Variants in SPATA13 observed in about 807,000 individuals in gnomAD.
SPATA13 encodes the protein spermatogenesis associated 13.
SPATA13 carries 50 observed loss-of-function variants against 104.0 expected under a neutral mutation model. The ratio of observed to expected loss-of-function variants is 0.48; its 90% CI spans 0.38 to 0.61. SPATA13 has a LOEUF of 0.61. Among genes scored for constraint, SPATA13 ranks in the 20% least tolerant of loss-of-function variants. The pLI, the probability that SPATA13 is intolerant of heterozygous loss-of-function variation, is 0.00. For missense variants in SPATA13, 1,524 were observed against 1,690.6 expected (o/e 0.90, Z 1.73); for synonymous variants, 606 against 667.5 (o/e 0.91, Z 1.42).
At chr13:24,191,512 T>C (rs1407182659) in intron 1 of SPATA13, among the ~76,000 whole-genome samples, 3 of 125,950 alleles carry the variant, frequency 2.4e-5, no homozygotes, top group African/African-American at 3.4e-5. Context: ...TTTTTTTTTT[T>C]TTTTTTTTTT....
chr13:23,989,134 AT>A (rs1427930270), intron 2 of SPATA13, among the ~76,000 whole-genome samples: 1 of 152,062 alleles, frequency 6.6e-6, no homozygotes, highest in Admixed American at 6.6e-5. Flanking sequence ...TAATGTTAAG[AT>A]TTACTTGGCT....
chr13:24,193,072 C>T (rs1016226896), intron 1 of SPATA13, among the ~76,000 whole-genome samples: 2 of 152,134 alleles, frequency 1.3e-5, no homozygotes, highest in Admixed American at 6.5e-5. Flanking sequence ...GAGCTTGACA[C>T]ATAATCCAGG....
At chr13:24,041,324 G>A (rs1380588680) in intron 3 of SPATA13, among the ~76,000 whole-genome samples, 1 of 152,192 alleles carries the variant, frequency 6.6e-6, no homozygotes, top group Non-Finnish European at 1.5e-5. Flanking sequence ...CAGATAAAGG[G>A]TTTTTGTTTC....
At chr13:24,211,306 G>A (rs948765623) in intron 1 of SPATA13, among the ~76,000 whole-genome samples, 18 of 152,220 alleles carry the variant, frequency 1.2e-4, no homozygotes, top group African/African-American at 4.3e-4. Context: ...TGGAAGTGGT[G>A]AGAGTGGACA....
intron 2 of SPATA13, among the ~76,000 whole-genome samples, chr13:24,241,359 G>A (rs1300780708): frequency 6.6e-6 from 1 of 152,200 alleles, no homozygotes; most frequent in Non-Finnish European, 1.5e-5. Context: ...TTCCCAAGAT[G>A]GTCCCTAAAG....
At chr13:24,271,534 T>C (rs1241286441) in intron 4 of SPATA13, among the ~76,000 whole-genome samples, 1 of 152,234 alleles carries the variant, frequency 6.6e-6, no homozygotes, top group Non-Finnish European at 1.5e-5. Context: ...ATTTGTCTAT[T>C]CTGTGAGTAT....
chr13:24,031,425 G>A (rs1174352149), intron 3 of SPATA13, among the ~76,000 whole-genome samples: 6 of 152,160 alleles, frequency 3.9e-5, no homozygotes, highest in Non-Finnish European at 7.3e-5. Flanking sequence ...AGTCCTTTTC[G>A]GTAACTTGTG....
chr13:24,203,030 A>G (rs1486807326), intron 1 of SPATA13, among the ~76,000 whole-genome samples: 1 of 151,914 alleles, frequency 6.6e-6, no homozygotes, highest in Non-Finnish European at 1.5e-5. Flanking sequence ...GGTTTGTTAC[A>G]TAGGTAAACG....
At chr13:24,013,464 T>C (rs138227617) in intron 2 of SPATA13, among the ~76,000 whole-genome samples, 2 of 152,298 alleles carry the variant, frequency 1.3e-5, no homozygotes, top group African/African-American at 4.8e-5. Flanking sequence ...GGGACACTGC[T>C]TGGGGACAGT....
intron 3 of SPATA13, among the ~76,000 whole-genome samples, chr13:24,054,325 G>T (rs577429007): frequency 3.2e-4 from 48 of 152,344 alleles, no homozygotes; most frequent in Non-Finnish European, 5.6e-4. Flanking sequence ...TTAGATAGAT[G>T]AATGTGAAGT....
At chr13:24,289,953 A>C (rs530274980) in intron 8 of SPATA13, among the ~76,000 whole-genome samples, 1 of 152,174 alleles carries the variant, frequency 6.6e-6, no homozygotes, top group African/African-American at 2.4e-5. Context: ...GCTGGGCATA[A>C]TGTTTTTGTG....
At chr13:24,204,148 T>G (rs1870570571) in intron 1 of SPATA13, among the ~76,000 whole-genome samples, 1 of 152,172 alleles carries the variant, frequency 6.6e-6, no homozygotes, top group African/African-American at 2.4e-5. Context: ...TTGCATGTAC[T>G]CACAGCCAGA....
rs17080452 is a variant in SPATA13 at position 24,220,564 on chromosome 13, A to G, written c.-111-2255A>G. On this transcript the variant is annotated intron_variant, in intron 1 of 12. Coordinates refer to ENST00000382108, the MANE Select transcript of SPATA13 (RefSeq NM_001166271.3). Reference sequence around the variant, plus strand: ...TGTTGAACTTACTTTGCAACTGGTTACAGGCTTCATATCCAGTCTCATCGC... The same window carrying G: ...TGTTGAACTTACTTTGCAACTGGTTGCAGGCTTCATATCCAGTCTCATCGC... 7.4e-3 allele frequency among the ~76,000 whole-genome samples: 1,127 copies of G among 152,364 alleles called. 14 individuals carry two copies. The highest frequency in any genetic ancestry group is 0.025 in the African/African-American group (1,024 of 41,584).
intron 3 of SPATA13, among the ~76,000 whole-genome samples, chr13:24,083,947 C>T (rs2137781705): frequency 6.6e-6 from 1 of 152,332 alleles, no homozygotes; most frequent in Admixed American, 6.5e-5. Context: ...TCATGAATTT[C>T]TGCAATATGC....
At chr13:23,986,173 C>T (rs1327105342) in intron 2 of SPATA13, among the ~76,000 whole-genome samples, 1 of 152,190 alleles carries the variant, frequency 6.6e-6, no homozygotes, top group East Asian at 1.9e-4. Flanking sequence ...TTAGGTATTT[C>T]GGCTCGCCCA....
chr13:24,280,130 GCCTCC>G (rs1875386255), intron 4 of SPATA13, among the ~76,000 whole-genome samples: 1 of 152,180 alleles, frequency 6.6e-6, no homozygotes, highest in Admixed American at 6.5e-5. Flanking sequence ...TCCCACCTCA[GCCTCC>G]CAAGTAGCTG....
intron 1 of SPATA13, among the ~76,000 whole-genome samples, chr13:24,183,794 G>C (rs1156337993): frequency 1.3e-5 from 2 of 152,022 alleles, no homozygotes; most frequent in Non-Finnish European, 2.9e-5. Context: ...AAGGGGGCGG[G>C]GTGAGCAGGA....
At chr13:24,003,149 C>A (rs1421462328) in intron 2 of SPATA13, among the ~76,000 whole-genome samples, 1 of 152,026 alleles carries the variant, frequency 6.6e-6, no homozygotes, top group African/African-American at 2.4e-5. Flanking sequence ...AGCATTTTCC[C>A]CACGCTGGTC....
At chr13:24,044,655 G>A (rs1878065097) in intron 3 of SPATA13, among the ~76,000 whole-genome samples, 1 of 152,078 alleles carries the variant, frequency 6.6e-6, no homozygotes, top group Non-Finnish European at 1.5e-5. Context: ...TCTCATACTT[G>A]CCATTTCTTT....
Sources: allele counts gnomAD v4.1 joint callset (sites outside exome capture counted in the v4.1 genomes callset), GRCh38; gene constraint gnomAD v4.1.1; transcripts MANE v1.5; gene names NCBI Gene and HGNC (gene_info 2026-07-23, HGNC 2026-07-21).